The following COLEC11 variants were observed in gnomAD, a reference collection of about 807,000 sequenced individuals.
The protein encoded by COLEC11 is collectin-11.
In COLEC11, 20 loss-of-function variants were observed where a neutral mutation model predicts 27.3. The observed-to-expected ratio is 0.73, with a 90% CI of 0.51 to 1.06. The LOEUF (loss-of-function observed/expected upper bound fraction) is 1.06. Ranked by LOEUF, COLEC11 falls within the 50% of genes least tolerant of loss-of-function variation. The pLI, the probability that COLEC11 is intolerant of heterozygous loss-of-function variation, is 0.00. For missense variants in COLEC11, 310 were observed against 383.0 expected, an observed-to-expected ratio of 0.81 and a Z score of 1.59; for synonymous variants, 163 against 154.7, an observed-to-expected ratio of 1.05 and a Z score of -0.40.
intron 1 of COLEC11, among the ~76,000 whole-genome samples, chr2:3,603,137 A>AGCC (rs1234484292): frequency 6.6e-6 from 1 of 152,032 alleles, no homozygotes; most frequent in Non-Finnish European, 1.5e-5. Flanking sequence ...TGCTCTGCGG[A>AGCC]GCCCCAGTCC....
intron 3 of COLEC11, among the ~76,000 whole-genome samples, chr2:3,635,391 G>A (rs17017778): frequency 0.078 from 11,811 of 152,134 alleles, 661 homozygotes; most frequent in East Asian, 0.32. Flanking sequence ...GCGCCTTTCA[G>A]TCTTTCCAGC....
intron 3 of COLEC11, among the ~76,000 whole-genome samples, chr2:3,624,161 A>C (rs763572235): frequency 8.5e-5 from 13 of 152,152 alleles, no homozygotes; most frequent in Non-Finnish European, 1.5e-4. Context: ...CAGTGCTCTG[A>C]AATGCTCAAG....
intron 3 of COLEC11, among the ~76,000 whole-genome samples, chr2:3,631,594 G>T (rs559643054): frequency 6.6e-6 from 1 of 152,178 alleles, no homozygotes; most frequent in African/African-American, 2.4e-5. Flanking sequence ...AAGGAGGGAC[G>T]GGAGGGTTTG....
At chr2:3,597,261 G>A (rs1661905148) in intron 1 of COLEC11, among the ~76,000 whole-genome samples, 1 of 152,078 alleles carries the variant, frequency 6.6e-6, no homozygotes, top group Admixed American at 6.5e-5. Flanking sequence ...ATCCCAGCCT[G>A]GGCTGCTCCG....
chr2:3,641,036 CCCCACGGTGGACACCCACCCACCA>C (rs1476861985), intron 5 of COLEC11, among the ~76,000 whole-genome samples: 15 of 89,526 alleles, frequency 1.7e-4, no homozygotes, highest in Non-Finnish European at 1.6e-4. Context: ...ACCATGTAGA[CCCCACGGTGGACACCCACCCACCA>C]TGTAGACCCC....
At position 3,602,540 on chromosome 2, in the gene COLEC11, G is replaced by T. The variant is rs934314084; in HGVS notation, c.-26-1775G>T. ...TGTCATCACCTCCACCCACACGTGG[G>T]GTCCAGCTGCCATCCTCGCCCGCTG... On this transcript the variant is annotated intron_variant, in intron 1 of 6. Coordinates refer to ENST00000349077, the MANE Select transcript of COLEC11 (RefSeq NM_024027.5). The surrounding 1 kb of genome is among the most constrained non-coding windows in gnomAD (Gnocchi z 6.2). Among the ~76,000 whole-genome samples the T allele has an allele frequency of 6.6e-6, 1 of 152,238 alleles. No individual in the cohort carries two copies. Among genetic ancestry groups the T allele is most frequent in the East Asian group, 1.9e-4 (1 of 5,180 alleles).
intron 6 of COLEC11, 58 bp downstream of exon 6, chr2:3,643,597 C>A (rs1259967470): frequency 3.8e-6 from 6 of 1,597,628 alleles, no homozygotes; most frequent in African/African-American, 2.7e-5. Flanking sequence ...TGTCCTGAGC[C>A]CCCCGGCAAG....
intron 5 of COLEC11, chr2:3,641,271 G>T: frequency 3.8e-6 from 5 of 1,304,216 alleles, no homozygotes; most frequent in Non-Finnish European, 5.1e-6. Context: ...GAGGAGGAAC[G>T]GCTGCTTGGA....
At chr2:3,641,022 ACCCACCATGTAGACCCCACGGTGGACAC>A (rs2147965971) in intron 5 of COLEC11, among the ~76,000 whole-genome samples, 17 of 71,022 alleles carry the variant, frequency 2.4e-4, no homozygotes, top group Admixed American at 2.4e-3. Flanking sequence ...GTGGACACCC[ACCCACCATGTAGACCCCACGGTGGACAC>A]CCACCCACCA....
At chr2:3,603,743 G>C in intron 1 of COLEC11, 2 of 1,424,410 alleles carry the variant, frequency 1.4e-6, no homozygotes, top group African/African-American at 2.8e-5. Flanking sequence ...CACCTCCCCA[G>C]GCCCCTGGGT....
In COLEC11 at chr2:3,619,916, G is replaced by C. The variant is rs139680438; in HGVS notation, c.202+6534G>C. 7.2e-4 allele frequency among the ~76,000 whole-genome samples: 109 copies of C among 152,286 alleles called. 2 individuals are homozygous for C. The East Asian group carries it at 0.018, about 25-fold the overall frequency. Reference sequence around the variant, plus strand: ...GCTGGGATTACAAGCATGAGCCACCGCTCCCGGCCGTGTATAATCTTTTTA... The same window carrying C: ...GCTGGGATTACAAGCATGAGCCACCCCTCCCGGCCGTGTATAATCTTTTTA... On this transcript the variant is annotated intron_variant, in intron 3 of 6. Coordinates refer to ENST00000349077, the MANE Select transcript of COLEC11 (RefSeq NM_024027.5).
intron 1 of COLEC11, among the ~76,000 whole-genome samples, chr2:3,600,231 T>C (rs1333118679): frequency 3.2e-5 from 4 of 125,320 alleles, no homozygotes; most frequent in African/African-American, 1.2e-4. Context: ...CGAGACTCTG[T>C]CTCAAAAAAA....
intron 1 of COLEC11, among the ~76,000 whole-genome samples, chr2:3,598,415 CTGT>C (rs1187327368): frequency 6.6e-6 from 1 of 152,250 alleles, no homozygotes; most frequent in African/African-American, 2.4e-5. Flanking sequence ...AACTTTCGTT[CTGT>C]TGTTTGTTCC....
chr2:3,637,627 C>T (rs1665526485), intron 4 of COLEC11, 23 bp downstream of exon 4: 1 of 1,595,886 alleles, frequency 6.3e-7, no homozygotes. Flanking sequence ...CGATTCTTGC[C>T]TCATTTCCCC....
intron 3 of COLEC11, among the ~76,000 whole-genome samples, chr2:3,616,564 C>G (rs899995098): frequency 6.6e-6 from 1 of 152,242 alleles, no homozygotes; most frequent in East Asian, 1.9e-4. Flanking sequence ...GGAGACCAGC[C>G]CGGCCAACAC....
chr2:3,636,774 G>T (rs999434469), intron 3 of COLEC11, among the ~76,000 whole-genome samples: 1 of 152,122 alleles, frequency 6.6e-6, no homozygotes, highest in African/African-American at 2.4e-5. Context: ...CCACCCTCTG[G>T]CTTAGTTTGT....
intron 2 of COLEC11, among the ~76,000 whole-genome samples, chr2:3,608,498 C>T (rs1001320566): frequency 6.6e-6 from 1 of 152,056 alleles, no homozygotes; most frequent in Admixed American, 6.6e-5. Context: ...CTTTATGACC[C>T]CTGGGACCAG....
intron 3 of COLEC11, among the ~76,000 whole-genome samples, chr2:3,615,398 T>A (rs1001865896): frequency 6.6e-6 from 1 of 152,240 alleles, no homozygotes; most frequent in South Asian, 2.1e-4. Flanking sequence ...TGCACCGCCC[T>A]TAATCCATTT....
At chr2:3,609,347 CTTTGATTTTTTTTTTTTTT>C (rs1662999630) in intron 2 of COLEC11, among the ~76,000 whole-genome samples, 2 of 71,018 alleles carry the variant, frequency 2.8e-5, no homozygotes, top group African/African-American at 9.4e-5. Context: ...AACTATTTTT[CTTTGATTTTTTTTTTTTTT>C]TTTTTTTTTT....
Sources: allele counts gnomAD v4.1 joint callset (sites outside exome capture counted in the v4.1 genomes callset), GRCh38; gene constraint gnomAD v4.1.1; non-coding constraint Gnocchi (gnomAD v3.1); transcripts MANE v1.5; gene names NCBI Gene and HGNC (gene_info 2026-07-23, HGNC 2026-07-21).